PKP4: variants seen among roughly 807,000 people sequenced by gnomAD.
PKP4 encodes the protein plakophilin 4.
PKP4 carries 90 observed loss-of-function variants against 145.1 expected under a neutral mutation model. The observed-to-expected ratio is 0.62, with a 90% confidence interval of 0.52 to 0.74. The LOEUF (loss-of-function observed/expected upper bound fraction) is 0.74, where lower values mean the gene tolerates loss of function less well. Among genes scored for constraint, PKP4 ranks in the 30% least tolerant of loss-of-function variants. PKP4 has a pLI of 0.00. For synonymous variants in PKP4, 563 were observed against 577.2 expected (o/e 0.98, Z 0.35); for missense variants, 1,340 against 1,482.7 (o/e 0.90, Z 1.58).
intron 3 of PKP4, among the ~76,000 whole-genome samples, chr2:158,585,986 C>G: frequency 6.6e-6 from 1 of 151,402 alleles, no homozygotes; most frequent in Admixed American, 6.6e-5. Context: ...ATGGATTTGC[C>G]TATTCTCAAC....
chr2:158,609,067 T>A (rs1259524418), intron 4 of PKP4, among the ~76,000 whole-genome samples: 1 of 152,086 alleles, frequency 6.6e-6, no homozygotes, highest in African/African-American at 2.4e-5. Flanking sequence ...TCCGCCCAAC[T>A]CTGCCTCCCA....
intron 1 of PKP4, among the ~76,000 whole-genome samples, chr2:158,491,285 C>G (rs1694897312): frequency 6.6e-6 from 1 of 152,156 alleles, no homozygotes; most frequent in African/African-American, 2.4e-5. Flanking sequence ...ACCAGAATTG[C>G]TGCATCATAG....
At chr2:158,533,704 G>A (rs901334241) in intron 2 of PKP4, among the ~76,000 whole-genome samples, 1 of 152,120 alleles carries the variant, frequency 6.6e-6, no homozygotes, top group African/African-American at 2.4e-5. Context: ...TTTAACATAG[G>A]TAGTATATAG....
At chr2:158,516,189 G>A (rs2041928708) in intron 1 of PKP4, among the ~76,000 whole-genome samples, 1 of 151,950 alleles carries the variant, frequency 6.6e-6, no homozygotes, top group African/African-American at 2.4e-5. Context: ...AGCTGACTGT[G>A]TATACAAAAC....
intron 11 of PKP4, among the ~76,000 whole-genome samples, chr2:158,655,775 C>T (rs2055854626): frequency 6.6e-6 from 1 of 152,216 alleles, no homozygotes; most frequent in South Asian, 2.1e-4. Context: ...GGGAGTCACC[C>T]TTTTCCCACT....
intron 13 of PKP4, 166 bp from the exon 14 acceptor site, chr2:158,662,729 CAA>C: frequency 1.8e-6 from 1 of 554,460 alleles, no homozygotes; most frequent in Non-Finnish European, 3.1e-6. Context: ...GGGTATTCCA[CAA>C]ACACTCTAGA....
intron 1 of PKP4, among the ~76,000 whole-genome samples, chr2:158,497,910 A>G (rs570030070): frequency 6.6e-6 from 1 of 152,214 alleles, no homozygotes; most frequent in Admixed American, 6.5e-5. Flanking sequence ...AAATCTCCCA[A>G]AACAAATCCA....
chr2:158,577,806 ACT>A (rs1399690984), intron 3 of PKP4, among the ~76,000 whole-genome samples: 2 of 152,054 alleles, frequency 1.3e-5, no homozygotes, highest in South Asian at 4.1e-4. Context: ...TTTTTCTAGA[ACT>A]CTATGAATCT....
chr2:158,516,878 G>C (rs1031996611), intron 1 of PKP4, among the ~76,000 whole-genome samples: 2 of 151,904 alleles, frequency 1.3e-5, no homozygotes, highest in African/African-American at 4.8e-5. Flanking sequence ...GGCCAGGCTG[G>C]TCTCGAACTT....
At position 158,544,678 on chromosome 2, in the gene PKP4, C is replaced by G. The variant is rs575008747; in HGVS notation, c.132+11362C>G. 9.8e-4 allele frequency among the ~76,000 whole-genome samples: 149 copies of G among 152,272 alleles called. No individual in the cohort carries two copies. In the Middle Eastern group the frequency reaches 0.01, roughly 10 times the overall value. On this transcript the variant is annotated intron_variant, in intron 2 of 21. Transcript: ENST00000389759. ...AACATCCCACCAGGAGCCAGAAGATCCTGTGCTGTCATTCAGTTGTCTCTT... is the reference window on the plus strand; with the variant it reads ...AACATCCCACCAGGAGCCAGAAGATGCTGTGCTGTCATTCAGTTGTCTCTT...
intron 11 of PKP4, among the ~76,000 whole-genome samples, 177 bp from the exon 12 acceptor site, chr2:158,657,954 A>C (rs2105968488): frequency 6.6e-6 from 1 of 152,204 alleles, no homozygotes; most frequent in East Asian, 1.9e-4. Context: ...ATGTTGTCGG[A>C]GGCTCATACC....
At chr2:158,610,643 G>C (rs2051058068) in intron 4 of PKP4, among the ~76,000 whole-genome samples, 1 of 152,158 alleles carries the variant, frequency 6.6e-6, no homozygotes. Flanking sequence ...AACAGTCATT[G>C]ATTGTTACTT....
At chr2:158,601,893 TA>T (rs2050262945) in intron 3 of PKP4, among the ~76,000 whole-genome samples, 1 of 152,090 alleles carries the variant, frequency 6.6e-6, no homozygotes, top group Non-Finnish European at 1.5e-5. Flanking sequence ...AATATAGCAC[TA>T]AAAGGACGGT....
At position 158,543,831 on chromosome 2, in the gene PKP4, A is replaced by G. The variant is rs138698061; in HGVS notation, c.132+10515A>G. On this transcript the variant is annotated intron_variant, in intron 2 of 21. Coordinates refer to ENST00000389759, the MANE Select transcript of PKP4 (RefSeq NM_003628.6). ...CCAGGGTAGTTCTCCGTACGTGGTT[A>G]CTCTTACCCAGAAAAGCAAGGTAGA... Among the ~76,000 whole-genome samples, 94 of 152,222 alleles carry G rather than the reference A, an allele frequency of 6.2e-4. 1 individual carries two copies. Among genetic ancestry groups the G allele is most frequent in the African/African-American group, 2.1e-3 (86 of 41,540 alleles).
intron 2 of PKP4, among the ~76,000 whole-genome samples, chr2:158,540,867 A>G (rs1057432220): frequency 6.6e-6 from 1 of 152,218 alleles, no homozygotes; most frequent in Non-Finnish European, 1.5e-5. Context: ...CTTTGTTAAC[A>G]CTTAAAGCCA....
At chr2:158,508,335 C>T (rs1175665637) in intron 1 of PKP4, among the ~76,000 whole-genome samples, 1 of 137,116 alleles carries the variant, frequency 7.3e-6, no homozygotes, top group East Asian at 2.1e-4. Context: ...CATTGCACTC[C>T]AGCCTGGGCA....
At chr2:158,625,630 C>A (rs2052701846) in intron 7 of PKP4, among the ~76,000 whole-genome samples, 1 of 152,108 alleles carries the variant, frequency 6.6e-6, no homozygotes, top group African/African-American at 2.4e-5. Flanking sequence ...TCAATAGAAT[C>A]CTTTTGCAAT....
At chr2:158,554,656 A>T (rs573597331) in intron 2 of PKP4, among the ~76,000 whole-genome samples, 3 of 152,006 alleles carry the variant, frequency 2.0e-5, no homozygotes, top group Non-Finnish European at 4.4e-5. Flanking sequence ...CGATCTCCTG[A>T]CCTCGTGATC....
chr2:158,620,784 T>C (rs1252898455), intron 4 of PKP4, among the ~76,000 whole-genome samples: 1 of 152,194 alleles, frequency 6.6e-6, no homozygotes, highest in Non-Finnish European at 1.5e-5. Flanking sequence ...ACAACATTCA[T>C]GAAATTCAGC....
Sources: gnomAD v4.1 joint callset for allele counts (sites outside exome capture counted in the v4.1 genomes callset) on GRCh38, gnomAD v4.1.1 for gene constraint, MANE v1.5 for transcripts, NCBI Gene and HGNC (gene_info 2026-07-23, HGNC 2026-07-21) for gene names.